Variants in CDK5RAP2 observed in about 807,000 individuals in gnomAD.
The protein encoded by CDK5RAP2 is CDK5 regulatory subunit associated protein 2, also known as CDK5 regulatory subunit-associated protein 2.
In CDK5RAP2, 147 loss-of-function variants were observed where a neutral mutation model predicts 232.9. The observed-to-expected ratio is 0.63, with a 90% confidence interval of 0.55 to 0.72. CDK5RAP2 has a LOEUF of 0.72. CDK5RAP2 is among the 30% of genes least tolerant of loss of function. The pLI is 0.00. For missense variants in CDK5RAP2, 2,195 were observed against 2,231.5 expected (o/e 0.98, Z 0.33); for synonymous variants, 833 against 833.7 (o/e 1.00, Z 0.01).
At chr9:120,545,309 A>T (rs2041796654) in intron 5 of CDK5RAP2, among the ~76,000 whole-genome samples, 1 of 152,238 alleles carries the variant, frequency 6.6e-6, no homozygotes, top group South Asian at 2.1e-4. Flanking sequence ...GCCAGACACA[A>T]AAGAGAATCT....
chr9:120,520,378 A>G (rs1275517698), intron 11 of CDK5RAP2, among the ~76,000 whole-genome samples: 1 of 152,094 alleles, frequency 6.6e-6, no homozygotes, highest in African/African-American at 2.4e-5. Flanking sequence ...GTGATGGCTC[A>G]CTCCTGTAAT....
chr9:120,469,310 A>AC (rs1009076203), intron 17 of CDK5RAP2, among the ~76,000 whole-genome samples: 35 of 151,822 alleles, frequency 2.3e-4, no homozygotes, highest in East Asian at 7.7e-4. Flanking sequence ...AGGTGAGCTC[A>AC]CCCCCCCATC....
At chr9:120,408,976 T>C in intron 30 of CDK5RAP2, 151 bp downstream of exon 30, 1 of 724,104 alleles carries the variant, frequency 1.4e-6, no homozygotes, top group Non-Finnish European at 2.4e-6. Flanking sequence ...TTTCTCCATA[T>C]GTTGTAGGCG....
chr9:120,527,448 G>GA (rs374555305), intron 10 of CDK5RAP2, among the ~76,000 whole-genome samples: 30 of 146,444 alleles, frequency 2.0e-4, no homozygotes, highest in South Asian at 4.3e-4. Flanking sequence ...GCTTAGTTCT[G>GA]AAAAAAAAAA....
rs1469022684 is a variant in CDK5RAP2, at chr9:120,448,126, C to T, written c.2794G>A (p.Glu932Lys). The change falls in exon 22 of 38, where the codon GAG becomes AAG. Residue 932 changes from glutamate to lysine, a missense_variant and splice_region_variant. Glu to Lys is a moderately conservative substitution (Grantham distance 56). Transcript: ENST00000349780. Reference protein sequence around the residue: ...LLSLPGITNREAKKSRLPILI... With the variant: ...LLSLPGITNRKAKKSRLPILI... ...ATTGGCAAGCGGGACTTCTTAGCCT[C>T]CTGAAAACACACATATGCAACAATG... 5 of 1,607,288 alleles carry T rather than the reference C, an allele frequency of 3.1e-6. 1 individual carries two copies. Among genetic ancestry groups the T allele is most frequent in the Non-Finnish European group, 4.3e-6 (5 of 1,173,748 alleles).
intron 21 of CDK5RAP2, among the ~76,000 whole-genome samples, chr9:120,451,213 T>A (rs2036462694): frequency 6.6e-6 from 1 of 152,326 alleles, no homozygotes; most frequent in Middle Eastern, 3.4e-3. Flanking sequence ...GAGTCCCACC[T>A]ACCACATTAT....
intron 29 of CDK5RAP2, 93 bp downstream of exon 29, chr9:120,411,265 T>C (rs1170446991): frequency 3.7e-6 from 3 of 804,836 alleles, no homozygotes; most frequent in Non-Finnish European, 4.5e-6. Flanking sequence ...ACAGGATTCA[T>C]ACTTAGGTTG....
intron 18 of CDK5RAP2, among the ~76,000 whole-genome samples, chr9:120,465,597 G>T (rs540627119): frequency 5.9e-5 from 9 of 151,962 alleles, no homozygotes; most frequent in Non-Finnish European, 1.3e-4. Context: ...AAAGTTGTTG[G>T]GGGGAGGGGG....
intron 27 of CDK5RAP2, among the ~76,000 whole-genome samples, chr9:120,418,034 G>A (rs142165781): frequency 3.9e-5 from 6 of 152,260 alleles, no homozygotes; most frequent in African/African-American, 4.8e-5. Flanking sequence ...ATAACATGTC[G>A]GAAAGCTTAG....
chr9:120,477,411 C>G lies in CDK5RAP2; in HGVS notation c.1666G>C (p.Val556Leu). The change falls in exon 15 of 38, where the codon GTC becomes CTC. Residue 556 changes from valine to leucine, a missense_variant. Physicochemically the swap from Val to Leu is conservative, Grantham distance 32 (BLOSUM62 1). Coordinates refer to ENST00000349780, the MANE Select transcript of CDK5RAP2 (RefSeq NM_018249.6). The part of the protein sequence containing the change: ...QSSDYEELIQ[V>L]LKKEQDIYTH... ...TAGATGTCCTGCTCTTTCTTTAAGACCTGAATCAGCTCTTCATAGTCTGAT... is the reference window on the plus strand; with the variant it reads ...TAGATGTCCTGCTCTTTCTTTAAGAGCTGAATCAGCTCTTCATAGTCTGAT... 1 of 1,613,832 alleles carries G rather than the reference C, an allele frequency of 6.2e-7. No homozygotes were observed. Among genetic ancestry groups the G allele is most frequent in the Non-Finnish European group, 8.5e-7 (1 of 1,179,814 alleles).
chr9:120,551,024 G>C (rs2042023913), intron 3 of CDK5RAP2, 122 bp from the exon 4 acceptor site: 3 of 703,578 alleles, frequency 4.3e-6, no homozygotes, highest in Admixed American at 2.1e-5. Context: ...TTAAATACTA[G>C]AGAAAGCTTA....
At chr9:120,571,388 C>T (rs149973947) in intron 2 of CDK5RAP2, among the ~76,000 whole-genome samples, 293 of 152,314 alleles carry the variant, frequency 1.9e-3, no homozygotes, top group African/African-American at 6.3e-3. Context: ...CCCACAGAGA[C>T]GCTTAAGCAT....
In CDK5RAP2 at chr9:120,437,484, GA is replaced by G. The variant is rs769118348; in HGVS notation, c.3765del (p.Gln1256AsnfsTer19). On this transcript the variant is annotated frameshift_variant, in exon 25 of 38. Transcript: ENST00000349780. LOFTEE classifies it high-confidence loss of function. ...TGGCCATCCTTAATCTGCTGCCGTTGAAGGGAGAGCTCCCTGGCTTGGGACT... is the reference window on the plus strand; with the variant it reads ...TGGCCATCCTTAATCTGCTGCCGTTGAGGGAGAGCTCCCTGGCTTGGGACT... ...LVQSQARELS[L>X]QRQQIKDGHG... The G allele has an allele frequency of 6.2e-7, 1 of 1,614,160 alleles. No individual in the cohort carries two copies. Among genetic ancestry groups the G allele is most frequent in the South Asian group, 1.1e-5 (1 of 91,084 alleles).
intron 21 of CDK5RAP2, among the ~76,000 whole-genome samples, chr9:120,451,374 A>G (rs929024187): frequency 2.6e-5 from 4 of 152,220 alleles, no homozygotes; most frequent in South Asian, 4.1e-4. Flanking sequence ...AAACACATGT[A>G]TATCAGTAAA....
chr9:120,544,907 G>A (rs2041777612), intron 5 of CDK5RAP2, among the ~76,000 whole-genome samples: 1 of 152,134 alleles, frequency 6.6e-6, no homozygotes, highest in Non-Finnish European at 1.5e-5. Flanking sequence ...AGATCTTCGG[G>A]CAGATGTTAG....
intron 27 of CDK5RAP2, 115 bp from the exon 28 acceptor site, chr9:120,415,274 T>C: frequency 1.6e-6 from 2 of 1,221,334 alleles, no homozygotes; most frequent in Non-Finnish European, 2.4e-6. Flanking sequence ...TTAAGATGGT[T>C]AGCAACTGGC....
In CDK5RAP2 at chr9:120,487,311, T is replaced by C. The variant is rs2038665228; in HGVS notation, c.1609A>G (p.Lys537Glu). The stretch of plus-strand genomic sequence containing the variant: ...AAGCTTACCTTAGAGAAGATGGTTT[T>C]GCTGCCTGGTGGCTGTTGAGAAGAG... ...KCSSQQPPGS[K>E]TIFSKEKKQS... Residue 537 changes from lysine (K) to glutamate (E), a missense_variant, in exon 14 of 38, where the codon AAA (lysine) becomes GAA (glutamate). Lys to Glu is a moderately conservative substitution (Grantham distance 56). Transcript: ENST00000349780. 6.2e-7 allele frequency: 1 copy of C among 1,614,162 alleles called. No individual in the cohort carries two copies. The highest frequency in any genetic ancestry group is 1.1e-5 in the South Asian group (1 of 91,090).
In CDK5RAP2 at chr9:120,409,144, G is replaced by T; in HGVS notation, c.4587C>A (p.Ser1529Arg). ...NQQLIQEVRC[S>R]GQELSRVQEE... ...GCCACTACCTGCTCAGCTCCTGGCC[G>T]CTGCAGCGGACCTCCTGGATCAGCT... is the stretch of plus-strand genomic sequence containing the variant. The change falls in exon 30 of 38, where the codon AGC (serine) becomes AGA (arginine). Residue 1529 changes from serine to arginine, a missense_variant. Transcript: ENST00000349780. The T allele has an allele frequency of 6.2e-7, 1 of 1,612,110 alleles. No homozygotes were observed.
At chr9:120,566,423 C>T (rs1481681442) in intron 3 of CDK5RAP2, among the ~76,000 whole-genome samples, 1 of 152,172 alleles carries the variant, frequency 6.6e-6, no homozygotes, top group Non-Finnish European at 1.5e-5. Flanking sequence ...AATCCTAAAA[C>T]ATGTTGGCAT....
Sources: gnomAD v4.1 joint callset for allele counts (sites outside exome capture counted in the v4.1 genomes callset) on GRCh38, gnomAD v4.1.1 for gene constraint, MANE v1.5 for transcripts, NCBI Gene and HGNC (gene_info 2026-07-23, HGNC 2026-07-21) for gene names.